The following PKN2 variants were observed in gnomAD, a reference collection of about 807,000 sequenced individuals.
PKN2 encodes the protein serine/threonine-protein kinase N2.
PKN2 carries 38 observed loss-of-function variants against 119.1 expected under a neutral mutation model. The ratio of observed to expected loss-of-function variants is 0.32; its 90% CI spans 0.25 to 0.42. The LOEUF is 0.42. Among genes scored for constraint, PKN2 ranks in the 10% least tolerant of loss-of-function variants. The pLI is 1.00. For missense variants in PKN2, 850 were observed against 1,165.1 expected (o/e 0.73, Z 3.94); for synonymous variants, 390 against 384.9 (o/e 1.01, Z -0.15).
intron 1 of PKN2, among the ~76,000 whole-genome samples, chr1:88,686,976 T>C (rs1037273663): frequency 5.9e-5 from 9 of 152,138 alleles, no homozygotes; most frequent in African/African-American, 2.2e-4. Context: ...GTTAAAACTG[T>C]TACTTTGCTA....
At chr1:88,750,342 G>A (rs182588325) in intron 2 of PKN2, among the ~76,000 whole-genome samples, 1 of 152,250 alleles carries the variant, frequency 6.6e-6, no homozygotes, top group East Asian at 1.9e-4. Flanking sequence ...AAGAAGGATC[G>A]GGATTGCTCC....
intron 8 of PKN2, among the ~76,000 whole-genome samples, chr1:88,791,195 C>T (rs1156487382): frequency 1.3e-5 from 2 of 151,836 alleles, no homozygotes; most frequent in Non-Finnish European, 2.9e-5. Flanking sequence ...CCCAGCACTT[C>T]GGCAGGCCGA....
intron 6 of PKN2, among the ~76,000 whole-genome samples, chr1:88,776,491 G>A: frequency 6.6e-6 from 1 of 151,680 alleles, no homozygotes; most frequent in African/African-American, 2.4e-5. Context: ...TATAATCCCA[G>A]CACTTAAGGA....
At chr1:88,747,583 G>A (rs1668820683) in intron 2 of PKN2, among the ~76,000 whole-genome samples, 9 of 152,108 alleles carry the variant, frequency 5.9e-5, no homozygotes, top group Admixed American at 5.9e-4. Flanking sequence ...CTTTAAGTAT[G>A]TCATCACTGA....
chr1:88,792,624 A>G (rs1451942556), intron 8 of PKN2, among the ~76,000 whole-genome samples: 1 of 152,178 alleles, frequency 6.6e-6, no homozygotes, highest in Non-Finnish European at 1.5e-5. Context: ...AGCCTTATTG[A>G]TAACATAGAC....
intron 1 of PKN2, among the ~76,000 whole-genome samples, chr1:88,708,161 A>C (rs755736144): frequency 1.3e-5 from 2 of 152,080 alleles, no homozygotes; most frequent in Non-Finnish European, 2.9e-5. Context: ...TATTGTGTAG[A>C]TCTGCAGTGG....
chr1:88,770,074 T>C (rs1483593025), intron 3 of PKN2, among the ~76,000 whole-genome samples: 1 of 152,210 alleles, frequency 6.6e-6, no homozygotes, highest in African/African-American at 2.4e-5. Context: ...TGCAAGTATA[T>C]ACAATAAAAA....
At chr1:88,764,583 G>A (rs915926751) in intron 3 of PKN2, among the ~76,000 whole-genome samples, 1 of 152,142 alleles carries the variant, frequency 6.6e-6, no homozygotes, top group African/African-American at 2.4e-5. Flanking sequence ...AATGGATACC[G>A]CTTCGCTGCC....
intron 8 of PKN2, among the ~76,000 whole-genome samples, chr1:88,800,275 G>A (rs534126354): frequency 9.2e-5 from 14 of 152,122 alleles, no homozygotes; most frequent in Non-Finnish European, 1.8e-4. Context: ...AGTATTTTAA[G>A]TCTTAAAACA....
chr1:88,792,060 A>G (rs1200756830), intron 8 of PKN2, among the ~76,000 whole-genome samples: 4 of 152,212 alleles, frequency 2.6e-5, no homozygotes, highest in African/African-American at 9.6e-5. Flanking sequence ...AAGCTGTAAC[A>G]CTTATCTTTT....
rs1672905872 is a variant in PKN2 at position 88,835,502 on chromosome 1, G to A, written c.*2054G>A. On this transcript the variant is annotated 3_prime_UTR_variant, in exon 22 of 22. Transcript: ENST00000370521. Reference sequence around the variant, plus strand: ...AGTCAATCACTAAAAAAATTAGAAGGCAGGGTCTATTTACACAATTAAGCT... The same window carrying A: ...AGTCAATCACTAAAAAAATTAGAAGACAGGGTCTATTTACACAATTAAGCT... The A allele has an allele frequency of 6.6e-6, 1 of 152,102 alleles. No individual in the cohort carries two copies. The allele number at this position is 152,102 out of a possible 1,614,324, so 9.4% of individuals were successfully genotyped here.
At position 88,835,951 on chromosome 1, in the gene PKN2, A is replaced by G. The variant is rs1200579064; in HGVS notation, c.*2503A>G. ...TTTGTCCTAGTGAAGGCTTAAAACC[A>G]TGAACATTCAGAGCAAACTGTCCAC... On this transcript the variant is annotated 3_prime_UTR_variant, in exon 22 of 22. Coordinates refer to ENST00000370521, the MANE Select transcript of PKN2 (RefSeq NM_006256.4). 1 of 152,180 alleles carries G rather than the reference A, an allele frequency of 6.6e-6. No homozygotes were observed. The highest frequency in any genetic ancestry group is 2.4e-5 in the African/African-American group (1 of 41,472). 9.4% of individuals were successfully genotyped at this position (152,180 alleles called of 1,614,324 possible). A position where few individuals can be genotyped will look rare whatever the true frequency, so the allele number is the denominator to read the frequency against.
At chr1:88,813,494 A>G in intron 15 of PKN2, 63 bp from the exon 16 acceptor site, 1 of 1,166,224 alleles carries the variant, frequency 8.6e-7, no homozygotes, top group South Asian at 1.6e-5. Flanking sequence ...TAATTTATAA[A>G]GAATGTTATT....
chr1:88,832,731 G>A lies in PKN2; in HGVS notation c.2563-13G>A, dbSNP rs977485517. 1.4e-6 allele frequency: 2 copies of A among 1,480,050 alleles called. No individual in the cohort carries two copies. Among genetic ancestry groups the A allele is most frequent in the African/African-American group, 2.8e-5 (2 of 71,168 alleles). 91.7% of individuals were successfully genotyped at this position (1,480,050 alleles called of 1,614,324 possible). A position where few individuals can be genotyped will look rare whatever the true frequency, so the allele number is the denominator to read the frequency against. On this transcript the variant is annotated splice_polypyrimidine_tract_variant and intron_variant, in intron 19 of 21. Transcript: ENST00000370521. ...AAAACTTGCTTTAACTTACTCAAAG[G>A]TATTTCTTCTAGTCTCCCTTTCCTG...
intron 16 of PKN2, among the ~76,000 whole-genome samples, chr1:88,820,325 G>A (rs556865991): frequency 1.5e-4 from 22 of 148,594 alleles, no homozygotes; most frequent in African/African-American, 5.2e-4. Flanking sequence ...ACCTGAGGTC[G>A]GAAGTTCGAG....
intron 1 of PKN2, among the ~76,000 whole-genome samples, chr1:88,692,692 G>A (rs1666379313): frequency 6.6e-6 from 1 of 151,928 alleles, no homozygotes; most frequent in Non-Finnish European, 1.5e-5. Context: ...TATGTCTCTT[G>A]CCTATTTTTG....
Position 88,805,995 on chromosome 1 carries a change from G to T in PKN2, c.1781G>T (p.Arg594Ile). The T allele has an allele frequency of 6.2e-7, 1 of 1,613,572 alleles. No homozygotes were observed. Among genetic ancestry groups the T allele is most frequent in the Non-Finnish European group, 8.5e-7 (1 of 1,179,502 alleles). Residue 594 changes from arginine to isoleucine, a missense_variant, in exon 12 of 22, where the codon AGA (arginine) becomes ATA (isoleucine). Coordinates refer to ENST00000370521, the MANE Select transcript of PKN2 (RefSeq NM_006256.4). ...LGEIDESSELRVLDIPGQDSE... is the reference protein window; with the variant it reads ...LGEIDESSELIVLDIPGQDSE... ...GAAATAGATGAATCTTCTGAATTAA[G>T]AGTTTTGGATATACCAGGACAGGCA...
intron 8 of PKN2, among the ~76,000 whole-genome samples, chr1:88,792,925 A>G (rs531254942): frequency 2.2e-4 from 34 of 152,346 alleles, no homozygotes; most frequent in African/African-American, 7.5e-4. Context: ...ATTGCATTAA[A>G]TACCATGAAA....
intron 1 of PKN2, among the ~76,000 whole-genome samples, chr1:88,740,640 CT>C (rs1668541223): frequency 6.6e-6 from 1 of 152,100 alleles, no homozygotes; most frequent in African/African-American, 2.4e-5. Context: ...AGTTAAGTAA[CT>C]TGCTCAAGGT....
Sources: allele counts gnomAD v4.1 joint callset (sites outside exome capture counted in the v4.1 genomes callset), GRCh38; gene constraint gnomAD v4.1.1; transcripts MANE v1.5; gene names NCBI Gene and HGNC (gene_info 2026-07-23, HGNC 2026-07-21).